The following GAS2 variants were observed in gnomAD, a reference collection of about 807,000 sequenced individuals.
GAS2 encodes the protein growth arrest specific 2.
Under a neutral mutation model 37.5 loss-of-function variants are expected in GAS2, and 20 were observed. The ratio of observed to expected loss-of-function variants is 0.53; its 90% CI spans 0.37 to 0.77. GAS2 has a LOEUF of 0.77. Ranked by LOEUF, GAS2 falls within the 30% of genes least tolerant of loss-of-function variation. The probability of loss-of-function intolerance (pLI) is 0.00; values close to 1 mark genes in which losing one functional copy is unlikely to be tolerated. For missense variants in GAS2, 336 were observed against 373.4 expected, an observed-to-expected ratio of 0.90 and a Z score of 0.82; for synonymous variants, 144 against 132.2, an observed-to-expected ratio of 1.09 and a Z score of -0.61.
At chr11:22,722,405 A>G (rs570913329) in intron 3 of GAS2, among the ~76,000 whole-genome samples, 1 of 151,960 alleles carries the variant, frequency 6.6e-6, no homozygotes, top group Admixed American at 6.6e-5. Context: ...CTTGCACACA[A>G]TCCCAATAGC....
At chr11:22,642,506 A>G (rs1404413008) in intron 1 of GAS2, among the ~76,000 whole-genome samples, 14 of 152,144 alleles carry the variant, frequency 9.2e-5, no homozygotes, top group Non-Finnish European at 1.6e-4. Context: ...TTGTTTTTTC[A>G]TCACAGACTA....
intron 1 of GAS2, among the ~76,000 whole-genome samples, chr11:22,671,804 A>C (rs1007490700): frequency 3.9e-5 from 6 of 152,122 alleles, no homozygotes; most frequent in Non-Finnish European, 4.4e-5. Context: ...CAATATAATC[A>C]TTTTAGTTGG....
At chr11:22,693,682 T>C (rs1850361702) in intron 3 of GAS2, among the ~76,000 whole-genome samples, 1 of 152,202 alleles carries the variant, frequency 6.6e-6, no homozygotes. Context: ...GTACTAGTTA[T>C]AGTGTAAAGT....
At chr11:22,807,869 G>A (rs1412099357) in intron 7 of GAS2, among the ~76,000 whole-genome samples, 2 of 152,156 alleles carry the variant, frequency 1.3e-5, no homozygotes, top group East Asian at 3.8e-4. Flanking sequence ...TGGGTGAGGG[G>A]TCTGGCTCCC....
intron 2 of GAS2, among the ~76,000 whole-genome samples, chr11:22,682,642 G>A (rs1376294621): frequency 4.6e-5 from 7 of 151,972 alleles, no homozygotes; most frequent in Non-Finnish European, 8.8e-5. Flanking sequence ...CACTTTGGGA[G>A]GCTGAGGCGG....
chr11:22,626,566 CAA>C (rs1287461143), intron 1 of GAS2: 4 of 152,686 alleles, frequency 2.6e-5, no homozygotes, highest in Non-Finnish European at 5.8e-5. Context: ...AAAACCGTGA[CAA>C]GAGAGTAGGG....
intron 5 of GAS2, among the ~76,000 whole-genome samples, chr11:22,739,685 A>G (rs1852967306): frequency 6.6e-6 from 1 of 152,014 alleles, no homozygotes; most frequent in Non-Finnish European, 1.5e-5. Context: ...ATGTTCAAGT[A>G]AAAGAAATAT....
chr11:22,647,537 C>A (rs1406116849), intron 1 of GAS2, among the ~76,000 whole-genome samples: 1 of 152,166 alleles, frequency 6.6e-6, no homozygotes, highest in African/African-American at 2.4e-5. Flanking sequence ...ACAGTCCCAC[C>A]AACAGTGTAA....
chr11:22,769,125 G>T (rs1294938540), intron 7 of GAS2, among the ~76,000 whole-genome samples: 1 of 152,132 alleles, frequency 6.6e-6, no homozygotes, highest in Non-Finnish European at 1.5e-5. Flanking sequence ...CTGTCCACCT[G>T]GTAGGACTTA....
At chr11:22,642,128 T>A (rs989357668) in intron 1 of GAS2, among the ~76,000 whole-genome samples, 1 of 152,156 alleles carries the variant, frequency 6.6e-6, no homozygotes, top group African/African-American at 2.4e-5. Context: ...AGAGTATATC[T>A]GTTATAAAGC....
At chr11:22,689,747 C>T (rs942643907) in intron 3 of GAS2, among the ~76,000 whole-genome samples, 2 of 152,032 alleles carry the variant, frequency 1.3e-5, no homozygotes, top group African/African-American at 4.8e-5. Context: ...GAATATTTCC[C>T]ATGGGAAAAA....
intron 3 of GAS2, among the ~76,000 whole-genome samples, chr11:22,713,080 A>G (rs12221867): frequency 0.14 from 19,920 of 143,966 alleles, 1,585 homozygotes; most frequent in East Asian, 0.2. Context: ...AAAAAAAAAA[A>G]GAAAAGAAAA....
chr11:22,788,285 T>G (rs142285156), intron 7 of GAS2, among the ~76,000 whole-genome samples: 1 of 152,342 alleles, frequency 6.6e-6, no homozygotes, highest in East Asian at 1.9e-4. Context: ...TTTTCTTCCT[T>G]TGACAGGAAA....
At chr11:22,641,390 C>T (rs1056257574) in intron 1 of GAS2, among the ~76,000 whole-genome samples, 2 of 148,546 alleles carry the variant, frequency 1.3e-5, no homozygotes, top group African/African-American at 5.0e-5. Flanking sequence ...GGTACATGTG[C>T]ACAATGTGCA....
chr11:22,690,730 T>A (rs1384594814), intron 3 of GAS2, among the ~76,000 whole-genome samples: 5 of 152,186 alleles, frequency 3.3e-5, no homozygotes, highest in Non-Finnish European at 7.4e-5. Context: ...AGGTTTTATG[T>A]CTTTTGACTC....
chr11:22,771,426 A>G (rs1056188438), intron 7 of GAS2, among the ~76,000 whole-genome samples: 5 of 152,286 alleles, frequency 3.3e-5, no homozygotes, highest in African/African-American at 1.2e-4. Flanking sequence ...AGTTTAATGC[A>G]AAAGGAACCT....
intron 2 of GAS2, among the ~76,000 whole-genome samples, chr11:22,684,937 C>T (rs1193788845): frequency 6.6e-6 from 1 of 152,094 alleles, no homozygotes; most frequent in Non-Finnish European, 1.5e-5. Context: ...ATACATTGGC[C>T]ATGTTATTCA....
chr11:22,677,477 G>A (rs1294152357), intron 2 of GAS2, among the ~76,000 whole-genome samples: 4 of 152,196 alleles, frequency 2.6e-5, no homozygotes, highest in African/African-American at 4.8e-5. Context: ...TATGATCTAT[G>A]AGAAGCCATT....
In GAS2 at chr11:22,749,928, G is replaced by A. The variant is rs532990389; in HGVS notation, c.615+667G>A. Among the ~76,000 whole-genome samples, 8 of 152,126 alleles carry A rather than the reference G, an allele frequency of 5.3e-5. No homozygotes were observed. In the South Asian group the frequency reaches 1.7e-3, roughly 32 times the overall value. ...GAATTAAAACTCTCAAGTGACCTTG[G>A]TTGTCTGTTAAGTAGTTATTGGTTA... On this transcript the variant is annotated intron_variant, in intron 6 of 7. Coordinates refer to ENST00000454584, the MANE Select transcript of GAS2 (RefSeq NM_001143830.3).
Sources: allele counts gnomAD v4.1 joint callset (sites outside exome capture counted in the v4.1 genomes callset), GRCh38; gene constraint gnomAD v4.1.1; transcripts MANE v1.5; gene names NCBI Gene and HGNC (gene_info 2026-07-23, HGNC 2026-07-21).